CS: variants seen among roughly 807,000 people sequenced by gnomAD.
CS encodes citrate synthase.
CS carries 13 observed loss-of-function variants against 61.4 expected under a neutral mutation model. That is an observed-to-expected ratio of 0.21 (90% CI 0.14 to 0.34). The LOEUF (loss-of-function observed/expected upper bound fraction) is 0.34, where lower values mean the gene tolerates loss of function less well. Ranked by LOEUF, CS falls within the 10% of genes least tolerant of loss-of-function variation. The probability of loss-of-function intolerance (pLI) is 1.00; values close to 1 mark genes in which losing one functional copy is unlikely to be tolerated. For missense variants in CS, 278 were observed against 573.4 expected, an observed-to-expected ratio of 0.48 and a Z score of 5.26; for synonymous variants, 159 against 215.2, an observed-to-expected ratio of 0.74 and a Z score of 2.29.
At chr12:56,298,865 C>T (rs1046098221) in intron 1 of CS, among the ~76,000 whole-genome samples, 6 of 151,948 alleles carry the variant, frequency 3.9e-5, no homozygotes, top group African/African-American at 7.3e-5. Context: ...CATAAGGAGA[C>T]GCTGCCTCTA....
At position 56,271,743 on chromosome 12, in the gene CS, C is replaced by T. The variant is rs1400204161; in HGVS notation, c.*1341G>A. 2.8e-6 allele frequency: 1 copy of T among 360,594 alleles called. No individual in the cohort carries two copies. The highest frequency in any genetic ancestry group is 2.2e-5 in the African/African-American group (1 of 46,310). 22.3% of individuals were successfully genotyped at this position (360,594 alleles called of 1,614,324 possible). ...TATTTTGCATTTTATACAGAACAAC[C>T]TGAAGTCTCCATCATGACTTGACAG... On this transcript the variant is annotated 3_prime_UTR_variant, in exon 11 of 11. Transcript: ENST00000351328.
intron 1 of CS, chr12:56,299,914 C>T: frequency 2.2e-6 from 1 of 455,322 alleles, no homozygotes; most frequent in Non-Finnish European, 3.9e-6. Flanking sequence ...ACAGCAGGGT[C>T]GGCCTCCTCA....
At chr12:56,298,532 A>G (rs1052985591) in intron 1 of CS, 2 of 632,568 alleles carry the variant, frequency 3.2e-6, no homozygotes, top group African/African-American at 2.0e-5. Flanking sequence ...CAGCTCAGAA[A>G]TGAGCTAATT....
chr12:56,273,367 G>A (rs1334338204), intron 10 of CS, 113 bp from the exon 11 acceptor site: 1 of 1,176,798 alleles, frequency 8.5e-7, no homozygotes, highest in Non-Finnish European at 1.2e-6. Flanking sequence ...CAAGGACTTA[G>A]CCCAGTCAAC....
chr12:56,283,687 G>T, intron 4 of CS, 105 bp downstream of exon 4: 1 of 760,012 alleles, frequency 1.3e-6, no homozygotes, highest in African/African-American at 1.8e-5. Context: ...TCCAATATAT[G>T]AAGCTAGGTG....
At chr12:56,292,983 G>C (rs1873179184) in intron 1 of CS, among the ~76,000 whole-genome samples, 2 of 151,560 alleles carry the variant, frequency 1.3e-5, no homozygotes, top group Non-Finnish European at 2.9e-5. Flanking sequence ...CAGCACCAGG[G>C]AACAAGCATT....
At chr12:56,298,533 T>G in intron 1 of CS, 67 of 646,940 alleles carry the variant, frequency 1.0e-4, no homozygotes, top group Non-Finnish European at 1.2e-4. Context: ...AGCTCAGAAA[T>G]GAGCTAATTA....
rs200263515 is a variant in CS, at chr12:56,299,507, G to A, written c.42+653C>T. Among the ~76,000 whole-genome samples the A allele has an allele frequency of 2.6e-5, 4 of 152,086 alleles. No individual in the cohort carries two copies. The East Asian group carries it at 5.8e-4, about 22-fold the overall frequency. On this transcript the variant is annotated intron_variant, in intron 1 of 10. Transcript: ENST00000351328. ...TGGAAACACCTTTCTGGTTCTTTCT[G>A]CAATCATGTATGATAGTCATGCAGG... is the stretch of plus-strand genomic sequence containing the variant.
Position 56,272,487 on chromosome 12 carries a change from A to T in CS, c.*597T>A, listed in dbSNP as rs1368061979. On this transcript the variant is annotated 3_prime_UTR_variant, in exon 11 of 11. Transcript: ENST00000351328. ...TTAATTGGATAGTTTTAAAAAAAAAATCAAACATTGGGTGCCAGTCACAAC... is the reference window on the plus strand; with the variant it reads ...TTAATTGGATAGTTTTAAAAAAAAATTCAAACATTGGGTGCCAGTCACAAC... The T allele has an allele frequency of 6.6e-6, 1 of 152,352 alleles. No homozygotes were observed. Among genetic ancestry groups the T allele is most frequent in the African/African-American group, 2.4e-5 (1 of 41,406 alleles). The allele number at this position is 152,352 out of a possible 1,614,324, so 9.4% of individuals were successfully genotyped here. A position where few individuals can be genotyped will look rare whatever the true frequency, so the allele number is the denominator to read the frequency against.
intron 1 of CS, among the ~76,000 whole-genome samples, chr12:56,290,167 A>AT (rs1873073183): frequency 6.6e-6 from 1 of 152,076 alleles, no homozygotes; most frequent in African/African-American, 2.4e-5. Context: ...AAGTGCTGGG[A>AT]TTACAGGTAT....
At chr12:56,297,931 C>G (rs996199345) in intron 1 of CS, among the ~76,000 whole-genome samples, 1 of 152,126 alleles carries the variant, frequency 6.6e-6, no homozygotes, top group African/African-American at 2.4e-5. Context: ...GTACCCTGGT[C>G]ATATTGCTTA....
intron 10 of CS, 163 bp downstream of exon 10, chr12:56,273,424 A>G (rs1460066421): frequency 1.0e-6 from 1 of 977,204 alleles, no homozygotes; most frequent in East Asian, 2.6e-5. Context: ...TGGGATTCTG[A>G]AAACAGAGCA....
chr12:56,281,814 C>CT (rs1358306353), intron 6 of CS, among the ~76,000 whole-genome samples: 1 of 152,058 alleles, frequency 6.6e-6, no homozygotes, highest in African/African-American at 2.4e-5. Context: ...ACCTAGGTCT[C>CT]TTTTCCGTTT....
At chr12:56,290,208 TTTTGTTTGTTTG>T (rs903001507) in intron 1 of CS, among the ~76,000 whole-genome samples, 1 of 151,558 alleles carries the variant, frequency 6.6e-6, no homozygotes, top group African/African-American at 2.4e-5. Context: ...TTTTATGTTT[TTTTGTTTGTTTG>T]TTTGTTTTTG....
rs569656349 is a variant in CS, at chr12:56,272,118, C to T, written c.*966G>A. On this transcript the variant is annotated 3_prime_UTR_variant, in exon 11 of 11. Transcript: ENST00000351328. The stretch of plus-strand genomic sequence containing the variant: ...ACCATGTCCAATCTTGAATCAATTC[C>T]CTGTTCAAAAAGAGGTGCTAATACC... The T allele has an allele frequency of 1.6e-4, 51 of 312,006 alleles. 1 individual carries two copies. The highest frequency in any genetic ancestry group is 5.6e-4 in the South Asian group (22 of 38,996). The allele number at this position is 312,006 out of a possible 1,614,324, so 19.3% of individuals were successfully genotyped here. A position where few individuals can be genotyped will look rare whatever the true frequency, so the allele number is the denominator to read the frequency against.
chr12:56,281,703 G>A (rs1274018722), intron 6 of CS, among the ~76,000 whole-genome samples: 1 of 152,102 alleles, frequency 6.6e-6, no homozygotes, highest in African/African-American at 2.4e-5. Context: ...TGTACAGATA[G>A]GATCTCACTA....
intron 1 of CS, chr12:56,291,152 C>T: frequency 1.3e-6 from 1 of 779,070 alleles, no homozygotes; most frequent in Non-Finnish European, 1.8e-6. Flanking sequence ...GCATCTAGAA[C>T]AGTGCTTTGT....
chr12:56,273,902 C>T, intron 9 of CS, 106 bp from the exon 10 acceptor site: 1 of 934,760 alleles, frequency 1.1e-6, no homozygotes. Flanking sequence ...GGCATGATCA[C>T]ATCTCACGGC....
At chr12:56,286,543 G>C in intron 2 of CS, 52 bp downstream of exon 2, 1 of 1,567,588 alleles carries the variant, frequency 6.4e-7, no homozygotes, top group East Asian at 2.3e-5. Flanking sequence ...CTGCCCCAAG[G>C]TCAGGCTGGC....
Sources: gnomAD v4.1 joint callset for allele counts (sites outside exome capture counted in the v4.1 genomes callset) on GRCh38, gnomAD v4.1.1 for gene constraint, MANE v1.5 for transcripts, NCBI Gene and HGNC (gene_info 2026-07-23, HGNC 2026-07-21) for gene names.